Variants in SLC22A12 observed in about 807,000 individuals in gnomAD.
SLC22A12 encodes organic anion transporter 4-like protein.
In SLC22A12, 56 loss-of-function variants were observed where a neutral mutation model predicts 52.7. That is an observed-to-expected ratio of 1.06 (90% confidence interval 0.86 to 1.33). SLC22A12 has a LOEUF of 1.33. Among genes scored for constraint, SLC22A12 ranks in the 40% most tolerant of loss-of-function variants. The pLI, the probability that SLC22A12 is intolerant of heterozygous loss-of-function variation, is 0.00. For synonymous variants in SLC22A12, 337 were observed against 324.6 expected, an observed-to-expected ratio of 1.04 and a Z score of -0.41; for missense variants, 683 against 741.5, an observed-to-expected ratio of 0.92 and a Z score of 0.92.
Position 64,592,833 on chromosome 11 carries a change from C to G in SLC22A12, c.457C>G (p.Leu153Val). 6.2e-7 allele frequency: 1 copy of G among 1,613,976 alleles called. No homozygotes were observed. The highest frequency in any genetic ancestry group is 1.1e-5 in the South Asian group (1 of 91,074). ...ALKPMAQSIY[L>V]AGILVGAAAC... ...GAAGCCCATGGCCCAGTCCATCTACCTGGCTGGGATTCTGGTGGGAGCTGC... is the reference window on the plus strand; with the variant it reads ...GAAGCCCATGGCCCAGTCCATCTACGTGGCTGGGATTCTGGTGGGAGCTGC... Residue 153 changes from leucine (L) to valine (V), a missense_variant, in exon 2 of 10, where the codon CTG becomes GTG. By Grantham distance (32) the Leu-to-Val change is conservative. Transcript: ENST00000377574.
In SLC22A12 at chr11:64,600,901, TTGCCGC is replaced by T; in HGVS notation, c.1566_1571del (p.Leu523_Pro524del). The stretch of plus-strand genomic sequence containing the variant: ...ACTGCTTCTGCCCGAGACCCAGAGC[TTGCCGC>T]TGCCCGACACCATCCAAGATGTGCA... On this transcript the variant is annotated inframe_deletion, in exon 9 of 10. Coordinates refer to ENST00000377574, the MANE Select transcript of SLC22A12 (RefSeq NM_144585.4). 1 of 1,609,616 alleles carries T rather than the reference TTGCCGC, an allele frequency of 6.2e-7. No homozygotes were observed. The highest frequency in any genetic ancestry group is 8.5e-7 in the Non-Finnish European group (1 of 1,179,944).
rs2038980339 is a variant in SLC22A12, at chr11:64,593,284, C to T, written c.507-121C>T. On this transcript the variant is annotated intron_variant, in intron 2 of 9. Coordinates refer to ENST00000377574, the MANE Select transcript of SLC22A12 (RefSeq NM_144585.4). ...GGAGAATGTAGGTTTCACCCAGGTG[C>T]CGCTTCAGTGTCCGCCTCAGCTCAG... 8.8e-6 allele frequency: 13 copies of T among 1,480,456 alleles called. No homozygotes were observed. In the South Asian group the frequency reaches 1.5e-4, roughly 17 times the overall value. The allele number at this position is 1,480,456 out of a possible 1,614,324, so 91.7% of individuals were successfully genotyped here.
chr11:64,591,709 AC>A lies in SLC22A12; in HGVS notation c.157del (p.Leu53SerfsTer12). On this transcript the variant is annotated frameshift_variant, in exon 1 of 10. Transcript: ENST00000377574. LOFTEE classifies it high-confidence loss of function. ...CCGTGCCCAGCCACCGCTGCTGGGC[AC>A]CCCTCCTGGACAACAGCACGGCTCA... ...AAVPSHRCWA[P>X]LLDNSTAQAS... 1 of 1,612,260 alleles carries A rather than the reference AC, an allele frequency of 6.2e-7. No individual in the cohort carries two copies. Among genetic ancestry groups the A allele is most frequent in the Non-Finnish European group, 8.5e-7 (1 of 1,179,974 alleles).
rs375136827 is a variant in SLC22A12 at position 64,599,037 on chromosome 11, C to T, written c.1070+114C>T. On this transcript the variant is annotated intron_variant, in intron 6 of 9. Transcript: ENST00000377574. ...GCTTGGTCCCACTGGCCTGCAACAC[C>T]GACACCTTCCCCTCTGTCAGTCACT... The T allele has an allele frequency of 5.7e-5, 80 of 1,407,776 alleles. No individual in the cohort carries two copies. In the East Asian group the frequency reaches 1.1e-3, roughly 20 times the overall value. The allele number at this position is 1,407,776 out of a possible 1,614,324, so 87.2% of individuals were successfully genotyped here. A position where few individuals can be genotyped will look rare whatever the true frequency, so the allele number is the denominator to read the frequency against.
At position 64,593,788 on chromosome 11, in the gene SLC22A12, G is replaced by A; in HGVS notation, c.815G>A (p.Cys272Tyr). 2 of 1,607,054 alleles carry A rather than the reference G, an allele frequency of 1.2e-6. No individual in the cohort carries two copies. The highest frequency in any genetic ancestry group is 1.7e-6 in the Non-Finnish European group (2 of 1,179,960). ...QLVVSVPFFL[C>Y]FLYSWWLAES... The stretch of plus-strand genomic sequence containing the variant: ...GTGGTCTCGGTCCCCTTCTTCCTCT[G>A]CTTTTTGTACTCCTGGTGGGTGCTG... The change falls in exon 4 of 10, where the codon TGC becomes TAC. Residue 272 changes from cysteine (C) to tyrosine (Y), a missense_variant. Transcript: ENST00000377574.
chr11:64,592,008 C>G (rs1211595560), intron 1 of SLC22A12, 50 bp downstream of exon 1: 1 of 1,594,350 alleles, frequency 6.3e-7, no homozygotes, highest in Admixed American at 1.7e-5. Flanking sequence ...GGAGGTCAGT[C>G]ATGGATCACG....
At position 64,598,582 on chromosome 11, in the gene SLC22A12, G is replaced by A; in HGVS notation, c.897G>A (p.Leu299=). ...TGRLDWGLQE[L]WRVAAINGKG... is the part of the protein sequence containing the mutation. ...GGCTGGATTGGGGCCTGCAGGAGCT[G>A]TGGAGGGTGGCTGCCATCAACGGAA... Residue 299 remains leucine (L), a synonymous_variant, in exon 5 of 10, where the codon CTG becomes CTA. Coordinates refer to ENST00000377574, the MANE Select transcript of SLC22A12 (RefSeq NM_144585.4). 1 of 1,608,716 alleles carries A rather than the reference G, an allele frequency of 6.2e-7. No individual in the cohort carries two copies. Among genetic ancestry groups the A allele is most frequent in the South Asian group, 1.1e-5 (1 of 90,044 alleles).
intron 4 of SLC22A12, among the ~76,000 whole-genome samples, chr11:64,595,699 A>AGATG (rs758110821): frequency 1.1e-4 from 12 of 106,140 alleles, no homozygotes; most frequent in East Asian, 3.6e-4. Context: ...TGGTTGGAAT[A>AGATG]GATGGATGGA....
chr11:64,593,572 C>T lies in SLC22A12; in HGVS notation c.661+13C>T. The T allele has an allele frequency of 1.2e-6, 2 of 1,614,166 alleles. No individual in the cohort carries two copies. Among genetic ancestry groups the T allele is most frequent in the Non-Finnish European group, 1.7e-6 (2 of 1,180,014 alleles). ...ACGGGCACTCTCCGTAGGTCTCTGA[C>T]CTGGCGCCATGCAGGGGGGCTCCAT... On this transcript the variant is annotated intron_variant, in intron 3 of 9. Transcript: ENST00000377574.
chr11:64,593,522 T>C lies in SLC22A12; in HGVS notation c.624T>C (p.Phe208=), dbSNP rs1287935965. The C allele has an allele frequency of 6.2e-7, 1 of 1,614,074 alleles. No individual in the cohort carries two copies. The highest frequency in any genetic ancestry group is 1.7e-5 in the Admixed American group (1 of 60,010). ...VYCLFRFLLA[F]AVAGVMMNTG... ...GCCTGTTCCGCTTCCTGTTGGCCTT[T>C]GCCGTGGCAGGCGTCATGATGAACA... The change falls in exon 3 of 10, where the codon TTT becomes TTC. Residue 208 remains phenylalanine (F), a synonymous_variant. Coordinates refer to ENST00000377574, the MANE Select transcript of SLC22A12 (RefSeq NM_144585.4).
intron 4 of SLC22A12, 103 bp from the exon 5 acceptor site, chr11:64,598,413 C>CT (rs1206055924): frequency 1.3e-6 from 2 of 1,513,796 alleles, no homozygotes; most frequent in African/African-American, 2.8e-5. Flanking sequence ...CGCCCTAAGC[C>CT]TTGGGCCTGG....
intron 4 of SLC22A12, among the ~76,000 whole-genome samples, chr11:64,596,091 T>G (rs1444115578): frequency 4.0e-5 from 6 of 151,534 alleles, no homozygotes; most frequent in African/African-American, 1.2e-4. Flanking sequence ...GATGGTTGAA[T>G]GGATGGATGG....
chr11:64,598,528 G>A lies in SLC22A12; in HGVS notation c.843G>A (p.Glu281=). ...LCFLYSWWLA[E]SARWLLTTGR... ...CCCTCCACTTAAGGTGGCTGGCAGA[G>A]TCGGCACGATGGCTCCTCACCACAG... Residue 281 remains glutamate (E), a synonymous_variant, in exon 5 of 10, where the codon GAG becomes GAA. Transcript: ENST00000377574. 1 of 1,585,428 alleles carries A rather than the reference G, an allele frequency of 6.3e-7. No individual in the cohort carries two copies. The highest frequency in any genetic ancestry group is 8.6e-7 in the Non-Finnish European group (1 of 1,167,060).
intron 4 of SLC22A12, among the ~76,000 whole-genome samples, chr11:64,597,739 G>A (rs1464601619): frequency 1.3e-5 from 2 of 152,248 alleles, no homozygotes; most frequent in South Asian, 2.1e-4. Context: ...GGCAGGCCCC[G>A]TGTAGAGTGG....
At chr11:64,599,140 A>G (rs569672368) in intron 6 of SLC22A12, among the ~76,000 whole-genome samples, 83 of 152,286 alleles carry the variant, frequency 5.5e-4, no homozygotes, top group African/African-American at 2.0e-3. Flanking sequence ...AAAGAGATGC[A>G]GTAGGTAGGA....
At position 64,591,884 on chromosome 11, in the gene SLC22A12, G is replaced by A. The variant is rs747810130; in HGVS notation, c.328G>A (p.Glu110Lys). ...DPNATATSWS[E>K]ADTEPCVDGW... ...CAATGCCACGGCCACCAGCTGGAGC[G>A]AGGCCGACACGGAGCCGTGTGTGGA... Residue 110 changes from glutamate (E) to lysine (K), a missense_variant, in exon 1 of 10, where the codon GAG becomes AAG. Glu to Lys is a moderately conservative substitution (Grantham distance 56). Transcript: ENST00000377574. 2.5e-5 allele frequency: 40 copies of A among 1,612,560 alleles called. No homozygotes were observed. The highest frequency in any genetic ancestry group is 3.1e-5 in the Non-Finnish European group (36 of 1,180,030).
intron 4 of SLC22A12, among the ~76,000 whole-genome samples, chr11:64,595,666 G>A (rs1470991352): frequency 1.3e-5 from 2 of 149,322 alleles, no homozygotes; most frequent in Non-Finnish European, 3.0e-5. Flanking sequence ...AGGATGGATG[G>A]TTGTAATAGA....
intron 4 of SLC22A12, among the ~76,000 whole-genome samples, chr11:64,595,068 A>T (rs2039079305): frequency 7.4e-6 from 1 of 135,106 alleles, no homozygotes. Flanking sequence ...GGATGGATGG[A>T]TGGATGGATA....
intron 6 of SLC22A12, 152 bp from the exon 7 acceptor site, chr11:64,599,524 C>T: frequency 1.5e-6 from 1 of 662,542 alleles, no homozygotes; most frequent in South Asian, 1.8e-5. Flanking sequence ...GAGACTGGCC[C>T]CGCCCCACAG....
Sources: allele counts gnomAD v4.1 joint callset (sites outside exome capture counted in the v4.1 genomes callset), GRCh38; gene constraint gnomAD v4.1.1; transcripts MANE v1.5; gene names NCBI Gene and HGNC (gene_info 2026-07-23, HGNC 2026-07-21).